PRKG1: variants seen among roughly 807,000 people sequenced by gnomAD.
PRKG1 encodes the protein protein kinase cGMP-dependent 1, also known as cGMP-dependent protein kinase 1.
PRKG1 carries 35 observed loss-of-function variants against 88.1 expected under a neutral mutation model. The ratio of observed to expected loss-of-function variants is 0.40; its 90% confidence interval spans 0.30 to 0.53. PRKG1 has a LOEUF of 0.53. Ranked by LOEUF, PRKG1 falls within the 20% of genes least tolerant of loss-of-function variation. The pLI, the probability that PRKG1 is intolerant of heterozygous loss-of-function variation, is 0.59. For synonymous variants in PRKG1, 303 were observed against 292.5 expected, an observed-to-expected ratio of 1.04 and a Z score of -0.37; for missense variants, 540 against 839.8, an observed-to-expected ratio of 0.64 and a Z score of 4.41.
chr10:51,434,679 T>C (rs1241944120), intron 2 of PRKG1, among the ~76,000 whole-genome samples: 1 of 152,130 alleles, frequency 6.6e-6, no homozygotes, highest in Non-Finnish European at 1.5e-5. Context: ...TTTTCATTTC[T>C]CTTTATCTTC....
At chr10:51,949,352 T>A (rs1212621767) in intron 5 of PRKG1, among the ~76,000 whole-genome samples, 2 of 152,030 alleles carry the variant, frequency 1.3e-5, no homozygotes, top group East Asian at 1.9e-4. Flanking sequence ...GTAGCTCACA[T>A]CTATAATCCC....
chr10:51,889,946 T>C (rs973040613), intron 4 of PRKG1, among the ~76,000 whole-genome samples: 3 of 152,224 alleles, frequency 2.0e-5, no homozygotes, highest in Non-Finnish European at 4.4e-5. Context: ...TCTTTGTAGA[T>C]TCTGGATATT....
At chr10:50,996,914 C>T (rs1032701474) in intron 1 of PRKG1, among the ~76,000 whole-genome samples, 3 of 152,128 alleles carry the variant, frequency 2.0e-5, no homozygotes, top group African/African-American at 7.2e-5. Flanking sequence ...ATATTTCTGA[C>T]AAGATTTTAA....
chr10:51,463,563 T>C (rs1289453682), intron 2 of PRKG1, among the ~76,000 whole-genome samples: 1 of 152,130 alleles, frequency 6.6e-6, no homozygotes, highest in Non-Finnish European at 1.5e-5. Context: ...CCTTAATACT[T>C]TAAAGGAAGA....
At chr10:51,484,024 G>C (rs1033039444) in intron 3 of PRKG1, among the ~76,000 whole-genome samples, 3 of 152,082 alleles carry the variant, frequency 2.0e-5, no homozygotes, top group Non-Finnish European at 2.9e-5. Context: ...CCTAAGCTTT[G>C]TTTTTATCTG....
At chr10:51,712,983 T>A (rs376770975) in intron 3 of PRKG1, among the ~76,000 whole-genome samples, 53,259 of 151,534 alleles carry the variant, frequency 0.35, 9,952 homozygotes, top group Middle Eastern at 0.51. Flanking sequence ...GGGTTTTTTT[T>A]TTTGATGGAT....
At chr10:52,244,101 T>C (rs992614034) in intron 9 of PRKG1, among the ~76,000 whole-genome samples, 4 of 152,104 alleles carry the variant, frequency 2.6e-5, no homozygotes, top group Non-Finnish European at 5.9e-5. Context: ...AAGTTATTCC[T>C]TCCACTGCTA....
At chr10:51,100,876 G>A (rs759397367) in intron 1 of PRKG1, among the ~76,000 whole-genome samples, 5 of 152,186 alleles carry the variant, frequency 3.3e-5, no homozygotes, top group African/African-American at 7.2e-5. Context: ...CTGAGGCATT[G>A]CTTAAACAGA....
intron 5 of PRKG1, among the ~76,000 whole-genome samples, chr10:51,974,402 C>A (rs1817398824): frequency 6.6e-6 from 1 of 152,116 alleles, no homozygotes; most frequent in South Asian, 2.1e-4. Context: ...AAAGGATCAT[C>A]CTGGAATACC....
chr10:51,765,957 A>G (rs1338016004), intron 3 of PRKG1, among the ~76,000 whole-genome samples: 1 of 151,968 alleles, frequency 6.6e-6, no homozygotes, highest in Non-Finnish European at 1.5e-5. Flanking sequence ...GGTGCCACCC[A>G]GTTTGGCTCC....
In PRKG1 at chr10:52,220,572, C is replaced by T. The variant is rs190928051; in HGVS notation, c.1077-30998C>T. ...TCCTGATTCTCTCCCTCTCCCTACC[C>T]TCCACCCTCCAATAGGCCCCAGTGT... On this transcript the variant is annotated intron_variant, in intron 9 of 17. Coordinates refer to ENST00000373980, the MANE Select transcript of PRKG1 (RefSeq NM_006258.4). 8.5e-5 allele frequency among the ~76,000 whole-genome samples: 13 copies of T among 152,184 alleles called. No homozygotes were observed. In the East Asian group the frequency reaches 2.5e-3, roughly 29 times the overall value.
chr10:52,287,270 A>T (rs1842137335), intron 14 of PRKG1, among the ~76,000 whole-genome samples: 1 of 152,090 alleles, frequency 6.6e-6, no homozygotes, highest in Non-Finnish European at 1.5e-5. Flanking sequence ...AGAGAATACT[A>T]AATAGATTTG....
At chr10:51,456,410 C>T (rs1395489140) in intron 2 of PRKG1, among the ~76,000 whole-genome samples, 1 of 152,046 alleles carries the variant, frequency 6.6e-6, no homozygotes, top group Non-Finnish European at 1.5e-5. Context: ...GAAACTGGAT[C>T]CTCATCTCTC....
chr10:51,584,075 A>G (rs1838111388), intron 3 of PRKG1, among the ~76,000 whole-genome samples: 1 of 152,106 alleles, frequency 6.6e-6, no homozygotes, highest in Admixed American at 6.6e-5. Flanking sequence ...TTCCACTCAG[A>G]AGTAACATTT....
chr10:51,646,502 G>T (rs1050089245), intron 3 of PRKG1, among the ~76,000 whole-genome samples: 1 of 151,826 alleles, frequency 6.6e-6, no homozygotes, highest in Admixed American at 6.6e-5. Flanking sequence ...TTTAAGGCAG[G>T]ATCTATTTGT....
chr10:51,113,746 A>AAAAAAAAC (rs1564605217), intron 1 of PRKG1, among the ~76,000 whole-genome samples: 1 of 143,308 alleles, frequency 7.0e-6, no homozygotes, highest in Non-Finnish European at 1.5e-5. Context: ...AAAAAAAAAA[A>AAAAAAAAC]AAACTAAAAG....
At chr10:51,322,157 T>G (rs1365636800) in intron 2 of PRKG1, among the ~76,000 whole-genome samples, 1 of 152,174 alleles carries the variant, frequency 6.6e-6, no homozygotes, top group Non-Finnish European at 1.5e-5. Context: ...GGAGATGATC[T>G]CAGCTGGAAA....
Position 51,302,277 on chromosome 10 carries a change from T to C in PRKG1, c.478+148947T>C, listed in dbSNP as rs566695436. On this transcript the variant is annotated intron_variant, in intron 2 of 17. Transcript: ENST00000373980. ...ACTTTTATTCAAATTGTATATAACA[T>C]CTACTTGACAAACATTTTTAGTAAA... 1.8e-4 allele frequency among the ~76,000 whole-genome samples: 28 copies of C among 152,322 alleles called. 1 individual carries two copies. In the South Asian group the frequency reaches 5.2e-3, roughly 28 times the overall value.
At chr10:51,480,746 G>A (rs1840331691) in intron 3 of PRKG1, among the ~76,000 whole-genome samples, 2 of 151,934 alleles carry the variant, frequency 1.3e-5, no homozygotes, top group African/African-American at 2.4e-5. Flanking sequence ...TACTGATAGG[G>A]GTTATTGATA....
Sources: allele counts gnomAD v4.1 joint callset (sites outside exome capture counted in the v4.1 genomes callset), GRCh38; gene constraint gnomAD v4.1.1; transcripts MANE v1.5; gene names NCBI Gene and HGNC (gene_info 2026-07-23, HGNC 2026-07-21).